Variants in NBPF26 observed in about 807,000 individuals in gnomAD.
NBPF26 encodes NBPF member 26, also known as NBPF family member NBPF26.
Under a neutral mutation model 119.6 loss-of-function variants are expected in NBPF26, and 79 were observed. That is an observed-to-expected ratio of 0.66 (90% CI 0.55 to 0.80). The LOEUF is 0.80. Ranked by LOEUF, NBPF26 falls within the 30% of genes least tolerant of loss-of-function variation. NBPF26 has a pLI of 0.00. For synonymous variants in NBPF26, 299 were observed against 457.7 expected, an observed-to-expected ratio of 0.65 and a Z score of 4.43; for missense variants, 800 against 1,198.2, an observed-to-expected ratio of 0.67 and a Z score of 4.91.
Position 120,811,111 on chromosome 1 carries a change from G to A in NBPF26, c.1564+553G>A, listed in dbSNP as rs1651852292. Among the ~76,000 whole-genome samples, 2 of 106,648 alleles carry A rather than the reference G, an allele frequency of 1.9e-5. 1 individual carries two copies. Among genetic ancestry groups the A allele is most frequent in the Admixed American group, 1.8e-4 (2 of 11,330 alleles). The allele number at this position is 106,648 out of a possible 152,430, so 70.0% of individuals were successfully genotyped here. ...AAAAAAAAAAAAATTAGCTGGGTGT[G>A]GTGGTGGGTGCCTGTAGTCCCAGCT... On this transcript the variant is annotated intron_variant, in intron 9 of 29. Coordinates refer to ENST00000620612, the Ensembl canonical transcript of NBPF26.
At position 120,778,610 on chromosome 1, in the gene NBPF26, TA is replaced by T. The variant is rs1207692493; in HGVS notation, c.156-6342del. Among the ~76,000 whole-genome samples the T allele has an allele frequency of 9.1e-3, 347 of 37,924 alleles. 33 individuals carry two copies. Among genetic ancestry groups the T allele is most frequent in the South Asian group, 0.048 (65 of 1,364 alleles). 24.9% of individuals were successfully genotyped at this position (37,924 alleles called of 152,430 possible). On this transcript the variant is annotated intron_variant, in intron 2 of 29. Transcript: ENST00000620612. ...TTTTTGAATGGCCAAATCCTCGTTT[TA>T]AAAAAAAAAAAAAAAAAAAAAGCTA...
chr1:120,805,749 C>A lies in NBPF26; in HGVS notation c.945C>A (p.Asn315Lys). 5.6e-6 allele frequency: 8 copies of A among 1,426,360 alleles called. 2 individuals carry two copies. The highest frequency in any genetic ancestry group is 2.4e-5 in the South Asian group (2 of 83,722). 88.4% of individuals were successfully genotyped at this position (1,426,360 alleles called of 1,614,324 possible). A position where few individuals can be genotyped will look rare whatever the true frequency, so the allele number is the denominator to read the frequency against. The change falls in exon 5 of 30, where the codon AAC becomes AAA. Residue 315 changes from asparagine to lysine, a missense_variant. Asn to Lys is a moderately conservative substitution (Grantham distance 94). Transcript: ENST00000620612. Reference sequence around the variant, plus strand: ...CTCAACTGGCCGGCTTCCTGGCCAACCGACAGAAGAAATACAGTAAGATCT... The same window carrying A: ...CTCAACTGGCCGGCTTCCTGGCCAAACGACAGAAGAAATACAGTAAGATCT...
chr1:120,790,568 C>CTTTCTTTCTTTCTT (rs1651478532), intron 3 of NBPF26, among the ~76,000 whole-genome samples: 1 of 103,216 alleles, frequency 9.7e-6, no homozygotes, highest in East Asian at 2.3e-4. Context: ...TTCTTTCTTT[C>CTTTCTTTCTTTCTT]TTTCTTTCTT....
rs1432268633 is a variant in NBPF26 at position 120,806,820 on chromosome 1, C to T, written c.962-787C>T. ...GCTTGTCTTGTCTGTCCCTCAGTTT[C>T]CTCATCTGTTCAGAGGGTACTACAA... is the stretch of plus-strand genomic sequence containing the variant. On this transcript the variant is annotated intron_variant, in intron 5 of 29. Transcript: ENST00000620612. Among the ~76,000 whole-genome samples, 51 of 119,584 alleles carry T rather than the reference C, an allele frequency of 4.3e-4. No homozygotes were observed. The East Asian group carries it at 0.01, about 24-fold the overall frequency. 78.5% of individuals were successfully genotyped at this position (119,584 alleles called of 152,430 possible). A position where few individuals can be genotyped will look rare whatever the true frequency, so the allele number is the denominator to read the frequency against.
intron 2 of NBPF26, among the ~76,000 whole-genome samples, chr1:120,777,516 C>A (rs1651312660): frequency 9.0e-6 from 1 of 110,592 alleles, no homozygotes; most frequent in Non-Finnish European, 1.7e-5. Context: ...ACTAGTAAGG[C>A]CCTAGAAAAA....
chr1:120,801,286 A>T (rs1374269501), intron 4 of NBPF26, among the ~76,000 whole-genome samples: 1 of 119,812 alleles, frequency 8.3e-6, no homozygotes, highest in African/African-American at 4.1e-5. Context: ...AGACTGCAAG[A>T]AGTGGGGAAT....
rs1480328271 is a variant in NBPF26 at position 120,775,767 on chromosome 1, G to A, written c.156-9207G>A. 3.3e-4 allele frequency among the ~76,000 whole-genome samples: 25 copies of A among 76,556 alleles called. 1 individual carries two copies. Among genetic ancestry groups the A allele is most frequent in the East Asian group, 5.5e-4 (2 of 3,626 alleles). 50.2% of individuals were successfully genotyped at this position (76,556 alleles called of 152,430 possible). A position where few individuals can be genotyped will look rare whatever the true frequency, so the allele number is the denominator to read the frequency against. On this transcript the variant is annotated intron_variant, in intron 2 of 29. Coordinates refer to ENST00000620612, the Ensembl canonical transcript of NBPF26. Reference sequence around the variant, plus strand: ...TGTAGTCAGTCTTTTATCAACAACCGATGAAAGACTAATAAAAGTGCAAGA... The same window carrying A: ...TGTAGTCAGTCTTTTATCAACAACCAATGAAAGACTAATAAAAGTGCAAGA...
rs1651754343 is a variant in NBPF26 at position 120,808,209 on chromosome 1, CTA to C, written c.1065-334_1065-333del. On this transcript the variant is annotated intron_variant, in intron 6 of 29. Transcript: ENST00000620612. The stretch of plus-strand genomic sequence containing the variant: ...TTGTATCTAGTGGCCGCAAGATGCA[CTA>C]TGTGTATTTTCACATGGAAATGTCC... Among the ~76,000 whole-genome samples, 3 of 118,772 alleles carry C rather than the reference CTA, an allele frequency of 2.5e-5. 1 individual carries two copies. Among genetic ancestry groups the C allele is most frequent in the African/African-American group, 8.3e-5 (2 of 24,014 alleles). 77.9% of individuals were successfully genotyped at this position (118,772 alleles called of 152,430 possible). A position where few individuals can be genotyped will look rare whatever the true frequency, so the allele number is the denominator to read the frequency against.
At position 120,805,598 on chromosome 1, in the gene NBPF26, T is replaced by G. The variant is rs2101489680; in HGVS notation, c.794T>G (p.Val265Gly). 3.4e-6 allele frequency: 5 copies of G among 1,460,752 alleles called. 1 individual carries two copies. The highest frequency in any genetic ancestry group is 1.8e-5 in the Admixed American group (1 of 54,816). The allele number at this position is 1,460,752 out of a possible 1,614,324, so 90.5% of individuals were successfully genotyped here. Residue 265 changes from valine to glycine, a missense_variant, in exon 5 of 30, where the codon GTA (valine) becomes GGA (glycine). Transcript: ENST00000620612. ...TCTGCCACAAACGTCAGCATGGTGG[T>G]ATCAGCCGGCCATTGGTCCAGTGAG...
At chr1:120,816,694 T>G in exon 14 of NBPF26, 1 of 1,220,744 alleles carries the variant, frequency 8.2e-7, no homozygotes, top group South Asian at 1.3e-5. Context: ...CTTGTTCAAA[T>G]AGCCATGGCC....
In NBPF26 at chr1:120,823,535, T is replaced by A. The variant is rs1652174403; in HGVS notation, c.2639+175T>A. The stretch of plus-strand genomic sequence containing the variant: ...AGTAAATCTTTAGGTTTCCATTTCT[T>A]CCTACCCTTATCATTTACTAACCTA... On this transcript the variant is annotated intron_variant, in intron 17 of 29. Coordinates refer to ENST00000620612, the Ensembl canonical transcript of NBPF26. 1.7e-5 allele frequency among the ~76,000 whole-genome samples: 2 copies of A among 114,686 alleles called. 1 individual carries two copies. Among genetic ancestry groups the A allele is most frequent in the African/African-American group, 1.0e-4 (2 of 20,084 alleles). The allele number at this position is 114,686 out of a possible 152,430, so 75.2% of individuals were successfully genotyped here.
intron 2 of NBPF26, among the ~76,000 whole-genome samples, chr1:120,764,398 C>T (rs1651166808): frequency 2.1e-5 from 2 of 94,006 alleles, no homozygotes; most frequent in South Asian, 6.5e-4. Flanking sequence ...AATATTCGGC[C>T]CAGTATATGT....
rs1553269597 is a variant in NBPF26, at chr1:120,805,370, G to T, written c.752-186G>T. On this transcript the variant is annotated intron_variant, in intron 4 of 29. Transcript: ENST00000620612. ...GTCTGAGCTACTGGCAGTGCTTTCA[G>T]CTCTGAGTTGAGGCACCTCGAACCT... The T allele has an allele frequency of 7.4e-6, 8 of 1,085,462 alleles. 2 individuals are homozygous for T. The Admixed American group carries it at 1.8e-4, about 25-fold the overall frequency. The allele number at this position is 1,085,462 out of a possible 1,614,324, so 67.2% of individuals were successfully genotyped here.
exon 1 of NBPF26, chr1:120,724,106 C>T: frequency 7.5e-7 from 1 of 1,338,804 alleles, no homozygotes; most frequent in Non-Finnish European, 9.6e-7. Context: ...TATCGGGACC[C>T]CCTCCCCATG....
At position 120,825,122 on chromosome 1, in the gene NBPF26, C is replaced by G. The variant is rs1343176355; in HGVS notation, c.2812+976C>G. On this transcript the variant is annotated intron_variant, in intron 18 of 29. Coordinates refer to ENST00000620612, the Ensembl canonical transcript of NBPF26. ...CATTTAGTAACTTACTATAGGTTGA[C>G]CATACCTCAAAGGCTGTATGGCAAC... is the stretch of plus-strand genomic sequence containing the variant. Among the ~76,000 whole-genome samples the G allele has an allele frequency of 1.3e-3, 154 of 122,192 alleles. 61 individuals are homozygous for G. Among genetic ancestry groups the G allele is most frequent in the African/African-American group, 6.6e-3 (144 of 21,720 alleles). The allele number at this position is 122,192 out of a possible 152,430, so 80.2% of individuals were successfully genotyped here.
chr1:120,724,167 C>G, exon 1 of NBPF26: 1 of 1,384,284 alleles, frequency 7.2e-7, no homozygotes, highest in Non-Finnish European at 9.4e-7. Flanking sequence ...GAGGAGGAGG[C>G]GACCGAGAAG....
At chr1:120,806,149 G>C (rs1423031459) in intron 5 of NBPF26, among the ~76,000 whole-genome samples, 1 of 115,444 alleles carries the variant, frequency 8.7e-6, no homozygotes, top group South Asian at 2.7e-4. Context: ...CTTTTATTCA[G>C]TTCAAGTTTC....
intron 9 of NBPF26, among the ~76,000 whole-genome samples, 188 bp downstream of exon 9, chr1:120,810,746 G>A (rs1651841479): frequency 8.9e-6 from 1 of 112,530 alleles, no homozygotes; most frequent in African/African-American, 5.1e-5. Flanking sequence ...TTGAGTTCAG[G>A]AGTTGAAGAC....
chr1:120,752,519 A>AATATATATATATATAT (rs1204399606), intron 1 of NBPF26, among the ~76,000 whole-genome samples: 11 of 14,658 alleles, frequency 7.5e-4, no homozygotes, highest in African/African-American at 9.3e-4. Flanking sequence ...GAAGTTCAGG[A>AATATATATATATATAT]ATATATATAT....
Sources: allele counts gnomAD v4.1 joint callset (sites outside exome capture counted in the v4.1 genomes callset), GRCh38; gene constraint gnomAD v4.1.1; transcripts MANE v1.5; gene names NCBI Gene and HGNC (gene_info 2026-07-23, HGNC 2026-07-21).